Variants in ZNF335 observed in about 807,000 individuals in gnomAD.
The protein encoded by ZNF335 is NRC-interacting factor 1.
Under a neutral mutation model 145.6 loss-of-function variants are expected in ZNF335, and 84 were observed. The observed-to-expected ratio is 0.58, with a 90% confidence interval of 0.48 to 0.69. ZNF335 has a LOEUF of 0.69. ZNF335 is among the 30% of genes least tolerant of loss of function. ZNF335 has a pLI of 0.00. For synonymous variants in ZNF335, 761 were observed against 717.0 expected, an observed-to-expected ratio of 1.06 and a Z score of -0.98; for missense variants, 1,865 against 1,809.7, an observed-to-expected ratio of 1.03 and a Z score of -0.55.
intron 6 of ZNF335, among the ~76,000 whole-genome samples, chr20:45,966,330 A>G (rs2083952301): frequency 6.6e-6 from 1 of 151,870 alleles, no homozygotes; most frequent in Non-Finnish European, 1.5e-5. Context: ...CATCTGCCTC[A>G]GCCTCCCAAA....
In ZNF335 at chr20:45,971,456, T is replaced by G; in HGVS notation, c.-46A>C. The G allele has an allele frequency of 6.3e-7, 1 of 1,591,966 alleles. No individual in the cohort carries two copies. Among genetic ancestry groups the G allele is most frequent in the Non-Finnish European group, 8.5e-7 (1 of 1,176,622 alleles). On this transcript the variant is annotated 5_prime_UTR_variant, in exon 2 of 28. It removes the in-frame stop codon of an upstream open reading frame in the 5' UTR. Transcript: ENST00000322927. ...CAGCGGGGCGTAGGGTCTGGGAACT[T>G]CACTCTGAGAAGAGAGGTGACCGTG... is the stretch of plus-strand genomic sequence containing the variant.
At position 45,953,724 on chromosome 20, in the gene ZNF335, C is replaced by T. The variant is rs201801347; in HGVS notation, c.2667G>A (p.Met889Ile). The T allele has an allele frequency of 1.9e-6, 3 of 1,614,106 alleles. No homozygotes were observed. In the African/African-American group the frequency reaches 4.0e-5, roughly 22 times the overall value. The change falls in exon 18 of 28, where the codon ATG becomes ATA. Residue 889 changes from methionine to isoleucine, a missense_variant. Transcript: ENST00000322927. ...TGYSVITAPP[M>I]EEGTSAPGTP... ...TGCCAGGAGCTGATGTTCCCTCCTC[C>T]ATAGGGGGTGCTGTGATGACACTGT...
Position 45,967,632 on chromosome 20 carries a change from C to G in ZNF335, c.817G>C (p.Ala273Pro). 6.2e-7 allele frequency: 1 copy of G among 1,613,960 alleles called. No homozygotes were observed. Among genetic ancestry groups the G allele is most frequent in the Middle Eastern group, 1.6e-4 (1 of 6,062 alleles). The change falls in exon 6 of 28, where the codon GCA (alanine) becomes CCA (proline). Residue 273 changes from alanine to proline, a missense_variant and splice_region_variant. By Grantham distance (27) the Ala-to-Pro change is conservative. Coordinates refer to ENST00000322927, the MANE Select transcript of ZNF335 (RefSeq NM_022095.4). ...TTACCAGCTGCTGCTGCGGCTGCTG[C>G]TACTGGAAGTGGAGGGAGGGTAAGA... is the stretch of plus-strand genomic sequence containing the variant. Reference protein sequence around the residue: ...HMRERHFRPVAAAAAAAGKKG... With the variant: ...HMRERHFRPVPAAAAAAGKKG...
In ZNF335 at chr20:45,957,653, G is replaced by C. The variant is rs373645625; in HGVS notation, c.2375C>G (p.Thr792Arg). 1.2e-6 allele frequency: 2 copies of C among 1,614,038 alleles called. No individual in the cohort carries two copies. Among genetic ancestry groups the C allele is most frequent in the African/African-American group, 1.3e-5 (1 of 74,922 alleles). Residue 792 changes from threonine to arginine, a missense_variant, in exon 17 of 28, where the codon ACG (threonine) becomes AGG (arginine). Thr to Arg is a moderately conservative substitution (Grantham distance 71). Coordinates refer to ENST00000322927, the MANE Select transcript of ZNF335 (RefSeq NM_022095.4). ...QGAEESTAMA[T>R]QTALDLLLNM... ...CAGCAGAAGATCCAAGGCTGTCTGCGTGGCCATCGCTGTCGACTCCTCAGC... is the reference window on the plus strand; with the variant it reads ...CAGCAGAAGATCCAAGGCTGTCTGCCTGGCCATCGCTGTCGACTCCTCAGC...
chr20:45,960,406 C>G, intron 13 of ZNF335, 38 bp from the exon 14 acceptor site: 6 of 1,614,178 alleles, frequency 3.7e-6, no homozygotes, highest in Non-Finnish European at 5.1e-6. Context: ...CAGTAATGAG[C>G]TGGGGACTGC....
Position 45,968,351 on chromosome 20 carries a change from C to G in ZNF335, c.454G>C (p.Val152Leu), listed in dbSNP as rs913937354. The part of the protein sequence containing the change: ...GPDLIQNCIT[V>L]TSAEDGGAET... The stretch of plus-strand genomic sequence containing the variant: ...GCCCCGCCATCCTCAGCACTGGTCA[C>G]AGTGATGCAGTCTGGGCAGAGATGG... The change falls in exon 4 of 28, where the codon GTG becomes CTG. Residue 152 changes from valine to leucine, a missense_variant. Coordinates refer to ENST00000322927, the MANE Select transcript of ZNF335 (RefSeq NM_022095.4). 6 of 1,611,492 alleles carry G rather than the reference C, an allele frequency of 3.7e-6. No individual in the cohort carries two copies. In the African/African-American group the frequency reaches 8.0e-5, roughly 22 times the overall value.
At chr20:45,965,812 G>T in intron 6 of ZNF335, 38 bp from the exon 7 acceptor site, 1 of 1,577,470 alleles carries the variant, frequency 6.3e-7, no homozygotes, top group Admixed American at 1.8e-5. Flanking sequence ...AGTGAGTGGC[G>T]GGACCTGCCC....
At chr20:45,960,173 G>C (rs202201872) in intron 14 of ZNF335, 35 bp downstream of exon 14, 1 of 1,611,346 alleles carries the variant, frequency 6.2e-7, no homozygotes, top group Non-Finnish European at 8.5e-7. Flanking sequence ...GGCACTGAGG[G>C]CTGGTGAGTG....
rs1296465070 is a variant in ZNF335 at position 45,948,778 on chromosome 20, T to G, written c.*175A>C. 1.0e-6 allele frequency: 1 copy of G among 995,242 alleles called. No homozygotes were observed. The highest frequency in any genetic ancestry group is 1.5e-6 in the Non-Finnish European group (1 of 677,168). 61.7% of individuals were successfully genotyped at this position (995,242 alleles called of 1,614,324 possible). On this transcript the variant is annotated 3_prime_UTR_variant, in exon 28 of 28. Transcript: ENST00000322927. ...GCTGGGGCACCCAGCATGTCCTGGC[T>G]GGGGCCCATGGCTGCCCCTAACCCC...
At chr20:45,957,085 G>C (rs982862924) in intron 17 of ZNF335, among the ~76,000 whole-genome samples, 1 of 152,302 alleles carries the variant, frequency 6.6e-6, no homozygotes, top group South Asian at 2.1e-4. Context: ...ATGTGAACGG[G>C]GAGGGCAGGG....
chr20:45,954,453 A>G (rs1056926522), intron 17 of ZNF335, among the ~76,000 whole-genome samples: 2 of 152,268 alleles, frequency 1.3e-5, no homozygotes, highest in East Asian at 1.9e-4. Context: ...ATAAAACTCT[A>G]AATATATTAA....
At chr20:45,954,460 TTAAAA>T (rs1325268827) in intron 17 of ZNF335, among the ~76,000 whole-genome samples, 18 of 152,178 alleles carry the variant, frequency 1.2e-4, no homozygotes, top group African/African-American at 4.3e-4. Context: ...TCTAAATATA[TTAAAA>T]TAAAACGTAG....
Position 45,949,561 on chromosome 20 carries a change from T to C in ZNF335, c.3677A>G (p.Tyr1226Cys), listed in dbSNP as rs1057520125. The change falls in exon 25 of 28, where the codon TAT (tyrosine) becomes TGT (cysteine). Residue 1226 changes from tyrosine to cysteine, a missense_variant. Coordinates refer to ENST00000322927, the MANE Select transcript of ZNF335 (RefSeq NM_022095.4). ...CTGGACACCATCCTGGGAGATGATA[T>C]ACTGCACCTGTTGGTGGGGGGGGCG... is the stretch of plus-strand genomic sequence containing the variant. ...HLVTSDNQVQ[Y>C]IISQDGVQHL... 2.2e-5 allele frequency: 36 copies of C among 1,611,344 alleles called. No individual in the cohort carries two copies. The highest frequency in any genetic ancestry group is 2.9e-5 in the Non-Finnish European group (34 of 1,179,286).
Position 45,948,751 on chromosome 20 carries a change from A to AGGCTGGGGCACCCAGCATGTCCT in ZNF335, c.*179_*201dup, listed in dbSNP as rs1238768435. ...AATTTCTCTCCCAAAGCCTGCCTGCAGGCTGGGGCACCCAGCATGTCCTGG... is the reference window on the plus strand; with the variant it reads ...AATTTCTCTCCCAAAGCCTGCCTGCAGGCTGGGGCACCCAGCATGTCCTGGCTGGGGCACCCAGCATGTCCTGG... On this transcript the variant is annotated 3_prime_UTR_variant, in exon 28 of 28. Transcript: ENST00000322927. 3 of 716,442 alleles carry AGGCTGGGGCACCCAGCATGTCCT rather than the reference A, an allele frequency of 4.2e-6. No individual in the cohort carries two copies. Among genetic ancestry groups the AGGCTGGGGCACCCAGCATGTCCT allele is most frequent in the African/African-American group, 1.8e-5 (1 of 56,454 alleles). 44.4% of individuals were successfully genotyped at this position (716,442 alleles called of 1,614,324 possible). A position where few individuals can be genotyped will look rare whatever the true frequency, so the allele number is the denominator to read the frequency against.
rs772147105 is a variant in ZNF335, at chr20:45,952,167, G to A, written c.3169C>T (p.Arg1057Cys). The change falls in exon 20 of 28, where the codon CGC becomes TGC. Residue 1057 changes from arginine to cysteine, a missense_variant. Coordinates refer to ENST00000322927, the MANE Select transcript of ZNF335 (RefSeq NM_022095.4). ...CCTACCCGGACCTCGGGCCACTGGC[G>A]GGCACTGAAGGGGCAGTCGGGGCAC... ...FKCPDCPFSA[R>C]QWPEVRAHMA... 34 of 1,605,330 alleles carry A rather than the reference G, an allele frequency of 2.1e-5. No homozygotes were observed. Among genetic ancestry groups the A allele is most frequent in the African/African-American group, 4.0e-5 (3 of 74,818 alleles).
chr20:45,952,326 C>T lies in ZNF335; in HGVS notation c.3010G>A (p.Val1004Met). Residue 1004 changes from valine (V) to methionine (M), a missense_variant, in exon 20 of 28, where the codon GTG (valine) becomes ATG (methionine). By Grantham distance (21) the Val-to-Met change is conservative. Transcript: ENST00000322927. ...PATSKALGLA[V>M]PPSPPSAATA... Reference sequence around the variant, plus strand: ...GCTGCAGATGGCGGTGACGGGGGCACTGCCAGGCCCAGGGCTTTGCTGGTT... The same window carrying T: ...GCTGCAGATGGCGGTGACGGGGGCATTGCCAGGCCCAGGGCTTTGCTGGTT... 2 of 1,613,338 alleles carry T rather than the reference C, an allele frequency of 1.2e-6. No individual in the cohort carries two copies. The highest frequency in any genetic ancestry group is 2.2e-5 in the South Asian group (2 of 91,060).
intron 17 of ZNF335, among the ~76,000 whole-genome samples, chr20:45,956,512 G>C (rs1388895408): frequency 6.6e-6 from 1 of 152,140 alleles, no homozygotes; most frequent in Non-Finnish European, 1.5e-5. Context: ...ACAGGCATAA[G>C]CCACCACGCC....
chr20:45,948,983 C>T lies in ZNF335; in HGVS notation c.3999G>A (p.Glu1333=), dbSNP rs1455220785. 1 of 1,613,932 alleles carries T rather than the reference C, an allele frequency of 6.2e-7. No homozygotes were observed. The highest frequency in any genetic ancestry group is 1.7e-5 in the Admixed American group (1 of 60,028). The change falls in exon 28 of 28, where the codon GAG becomes GAA. Residue 1333 remains glutamate (E), a synonymous_variant. Coordinates refer to ENST00000322927, the MANE Select transcript of ZNF335 (RefSeq NM_022095.4). Reference sequence around the variant, plus strand: ...CATCGGCCAGGGTGATGACGTCGTACTCGATGCCCTGGTGCTGCAGCTGTT... The same window carrying T: ...CATCGGCCAGGGTGATGACGTCGTATTCGATGCCCTGGTGCTGCAGCTGTT... ...HIQQLQHQGI[E]YDVITLADD
intron 9 of ZNF335, among the ~76,000 whole-genome samples, chr20:45,962,998 A>C (rs1406814709): frequency 6.6e-6 from 1 of 151,786 alleles, no homozygotes; most frequent in South Asian, 2.1e-4. Context: ...TTTTTAGTAG[A>C]GATGGGGTTT....
Sources: gnomAD v4.1 joint callset for allele counts (sites outside exome capture counted in the v4.1 genomes callset) on GRCh38, gnomAD v4.1.1 for gene constraint, MANE v1.5 for transcripts, NCBI Gene and HGNC (gene_info 2026-07-23, HGNC 2026-07-21) for gene names.